The following LRCH3 variants were observed in gnomAD, a reference collection of about 807,000 sequenced individuals.
LRCH3 encodes DISP complex protein LRCH3.
Under a neutral mutation model 104.5 loss-of-function variants are expected in LRCH3, and 68 were observed. The ratio of observed to expected loss-of-function variants is 0.65; its 90% confidence interval spans 0.54 to 0.80. The LOEUF (loss-of-function observed/expected upper bound fraction) is 0.80. Ranked by LOEUF, LRCH3 falls within the 30% of genes least tolerant of loss-of-function variation. The probability of loss-of-function intolerance (pLI) is 0.00; values close to 1 mark genes in which losing one functional copy is unlikely to be tolerated. For synonymous variants in LRCH3, 344 were observed against 361.3 expected, an observed-to-expected ratio of 0.95 and a Z score of 0.54; for missense variants, 951 against 953.9, an observed-to-expected ratio of 1.00 and a Z score of 0.04.
chr3:197,799,626 TGAGGTCAA>T (rs2109107995), intron 1 of LRCH3, among the ~76,000 whole-genome samples: 1 of 150,418 alleles, frequency 6.6e-6, no homozygotes, highest in South Asian at 2.1e-4. Context: ...CAGCACTTTG[TGAGGTCAA>T]GATGGGTGGA....
In LRCH3 at chr3:197,874,379, G is replaced by A. The variant is rs374735947; in HGVS notation, c.2131-1319G>A. ...CATGCGAGGAAGGGATCTAGGCCAC[G>A]GGCTCCTTATGAGAATCTAATGCCT... On this transcript the variant is annotated intron_variant, in intron 19 of 20. Coordinates refer to ENST00000425562, the MANE Select transcript of LRCH3 (RefSeq NM_001365715.1). 3.5e-4 allele frequency among the ~76,000 whole-genome samples: 54 copies of A among 152,314 alleles called. No individual in the cohort carries two copies. In the East Asian group the frequency reaches 6.4e-3, roughly 18 times the overall value.
chr3:197,842,767 T>C (rs1334954386), intron 10 of LRCH3, among the ~76,000 whole-genome samples: 1 of 152,124 alleles, frequency 6.6e-6, no homozygotes, highest in African/African-American at 2.4e-5. Flanking sequence ...TAGCAAAAAT[T>C]ATGTTTTAAA....
intron 1 of LRCH3, among the ~76,000 whole-genome samples, chr3:197,803,229 TAGTC>T (rs956375268): frequency 5.9e-5 from 9 of 152,358 alleles, no homozygotes; most frequent in African/African-American, 1.2e-4. Flanking sequence ...AGGAAAATCT[TAGTC>T]AGATAATGTG....
chr3:197,861,543 A>G (rs1740880696), intron 15 of LRCH3, among the ~76,000 whole-genome samples: 1 of 152,244 alleles, frequency 6.6e-6, no homozygotes, highest in Non-Finnish European at 1.5e-5. Flanking sequence ...AAACTTCACT[A>G]GATTTAAGAT....
chr3:197,805,600 T>C (rs1226818747), intron 1 of LRCH3, among the ~76,000 whole-genome samples: 1 of 150,606 alleles, frequency 6.6e-6, no homozygotes, highest in Non-Finnish European at 1.5e-5. Flanking sequence ...ACATGCAGAA[T>C]GGTAAGATCT....
Position 197,883,779 on chromosome 3 carries a change from G to T in LRCH3, c.*113G>T. 1 of 1,116,772 alleles carries T rather than the reference G, an allele frequency of 9.0e-7. No individual in the cohort carries two copies. The highest frequency in any genetic ancestry group is 3.0e-5 in the East Asian group (1 of 33,584). The allele number at this position is 1,116,772 out of a possible 1,614,324, so 69.2% of individuals were successfully genotyped here. On this transcript the variant is annotated 3_prime_UTR_variant, in exon 21 of 21. Transcript: ENST00000425562. The surrounding 1 kb of genome is among the most constrained non-coding windows in gnomAD (Gnocchi z 4.2). ...CTCTTGTGTGTTCTCAGAAGGGACC[G>T]TTCCCATGATTCCTAACAGGAATAT...
At chr3:197,848,263 C>T (rs2109391270) in intron 12 of LRCH3, 1 of 416,324 alleles carries the variant, frequency 2.4e-6, no homozygotes, top group East Asian at 4.3e-5. Context: ...CTGCCATTTC[C>T]TCAATTTCTA....
At chr3:197,853,282 C>T (rs1206344800) in intron 13 of LRCH3, among the ~76,000 whole-genome samples, 10 of 151,998 alleles carry the variant, frequency 6.6e-5, no homozygotes, top group East Asian at 1.9e-4. Flanking sequence ...CTCCGACTCC[C>T]GGGTCCAACT....
intron 1 of LRCH3, among the ~76,000 whole-genome samples, chr3:197,805,619 C>T (rs1229923191): frequency 6.6e-6 from 1 of 151,096 alleles, no homozygotes. Flanking sequence ...CTCTAGGCAT[C>T]TCCCTGCTTG....
At chr3:197,870,086 G>A (rs1002695460) in intron 17 of LRCH3, 74 bp from the exon 18 acceptor site, 8 of 1,497,312 alleles carry the variant, frequency 5.3e-6, no homozygotes, top group African/African-American at 1.4e-5. Flanking sequence ...CAGGGAAACT[G>A]TGATGAGGCA....
chr3:197,815,882 T>C (rs931238223), intron 2 of LRCH3, among the ~76,000 whole-genome samples: 1 of 152,226 alleles, frequency 6.6e-6, no homozygotes, highest in Non-Finnish European at 1.5e-5. Context: ...ATTTTATAAG[T>C]GATCTTTTCC....
At chr3:197,846,940 T>C (rs1738821857) in intron 10 of LRCH3, among the ~76,000 whole-genome samples, 1 of 152,214 alleles carries the variant, frequency 6.6e-6, no homozygotes, top group African/African-American at 2.4e-5. Context: ...AACCAGAATC[T>C]TTATTTCTGT....
In LRCH3 at chr3:197,885,238, A is replaced by G. The variant is rs1714105511; in HGVS notation, c.*1572A>G. On this transcript the variant is annotated 3_prime_UTR_variant, in exon 21 of 21. Transcript: ENST00000425562. Reference sequence around the variant, plus strand: ...GACACATTGCAGTTACAGCACATACACTTCTAGCTCGGAAAAGCCTAGTTT... The same window carrying G: ...GACACATTGCAGTTACAGCACATACGCTTCTAGCTCGGAAAAGCCTAGTTT... 1 of 152,134 alleles carries G rather than the reference A, an allele frequency of 6.6e-6. No individual in the cohort carries two copies. Among genetic ancestry groups the G allele is most frequent in the African/African-American group, 2.4e-5 (1 of 41,416 alleles). 9.4% of individuals were successfully genotyped at this position (152,134 alleles called of 1,614,324 possible). A position where few individuals can be genotyped will look rare whatever the true frequency, so the allele number is the denominator to read the frequency against.
In LRCH3 at chr3:197,888,251, T is replaced by C. The variant is rs138213519; in HGVS notation, c.*4585T>C. 3.4e-4 allele frequency: 52 copies of C among 152,268 alleles called. No homozygotes were observed. The highest frequency in any genetic ancestry group is 1.2e-3 in the African/African-American group (50 of 41,584). The allele number at this position is 152,268 out of a possible 1,614,324, so 9.4% of individuals were successfully genotyped here. On this transcript the variant is annotated 3_prime_UTR_variant, in exon 21 of 21. Coordinates refer to ENST00000425562, the MANE Select transcript of LRCH3 (RefSeq NM_001365715.1). ...GCAAATTTCGTTTTATTTCTGAAAA[T>C]GTTGTAAACATGTAATTAGTGAAAG...
chr3:197,882,732 C>T (rs140058416), intron 20 of LRCH3: 3 of 985,346 alleles, frequency 3.0e-6, no homozygotes, highest in South Asian at 4.7e-5. Context: ...AACAAATTAA[C>T]GATGCACACA....
At chr3:197,855,746 T>C (rs988749632) in intron 14 of LRCH3, among the ~76,000 whole-genome samples, 1 of 152,212 alleles carries the variant, frequency 6.6e-6, no homozygotes, top group Admixed American at 6.5e-5. Context: ...GTGCGTAACT[T>C]GAAATTCCCT....
chr3:197,811,260 A>G (rs1401556226), intron 1 of LRCH3, among the ~76,000 whole-genome samples: 4 of 152,072 alleles, frequency 2.6e-5, no homozygotes, highest in African/African-American at 9.7e-5. Flanking sequence ...TTCTTTAGGG[A>G]CTTTTTGAAA....
chr3:197,848,092 G>T (rs1739022566), intron 12 of LRCH3, 71 bp downstream of exon 12: 2 of 1,501,230 alleles, frequency 1.3e-6, no homozygotes, highest in East Asian at 4.6e-5. Context: ...CAGGCCCGTT[G>T]GTTTTTATTG....
intron 5 of LRCH3, among the ~76,000 whole-genome samples, 172 bp downstream of exon 5, chr3:197,827,186 G>T (rs538140241): frequency 1.8e-4 from 27 of 152,032 alleles, no homozygotes; most frequent in African/African-American, 6.3e-4. Flanking sequence ...GTAAACCATA[G>T]TGGAAGCATC....
Sources: gnomAD v4.1 joint callset for allele counts (sites outside exome capture counted in the v4.1 genomes callset) on GRCh38, gnomAD v4.1.1 for gene constraint, Gnocchi (gnomAD v3.1) non-coding constraint, MANE v1.5 for transcripts, NCBI Gene and HGNC (gene_info 2026-07-23, HGNC 2026-07-21) for gene names.